GRM7: variants seen among roughly 807,000 people sequenced by gnomAD.
GRM7 encodes the protein glutamate metabotropic receptor 7.
Under a neutral mutation model 84.5 loss-of-function variants are expected in GRM7, and 35 were observed. That is an observed-to-expected ratio of 0.41 (90% CI 0.32 to 0.55). The LOEUF (loss-of-function observed/expected upper bound fraction) is 0.55. Ranked by LOEUF, GRM7 falls within the 20% of genes least tolerant of loss-of-function variation. The pLI is 0.19. For missense variants in GRM7, 1,003 were observed against 1,194.6 expected (o/e 0.84, Z 2.36); for synonymous variants, 487 against 455.1 (o/e 1.07, Z -0.89).
At chr3:7,070,235 T>G (rs758627257) in intron 1 of GRM7, among the ~76,000 whole-genome samples, 1 of 152,138 alleles carries the variant, frequency 6.6e-6, no homozygotes, top group Non-Finnish European at 1.5e-5. Flanking sequence ...AAAGTGTATT[T>G]TATTTAGAAT....
chr3:7,069,110 A>G (rs1047590759), intron 1 of GRM7, among the ~76,000 whole-genome samples: 6 of 151,698 alleles, frequency 4.0e-5, no homozygotes, highest in Non-Finnish European at 7.4e-5. Flanking sequence ...AAGAAAAAAG[A>G]GCATAGTCAA....
intron 1 of GRM7, among the ~76,000 whole-genome samples, chr3:7,074,252 C>T (rs948389606): frequency 8.5e-5 from 13 of 152,086 alleles, no homozygotes; most frequent in African/African-American, 2.9e-4. Flanking sequence ...TTAGATGTTG[C>T]ACTAGCGGTG....
At chr3:7,481,738 G>A (rs1699136716) in intron 7 of GRM7, among the ~76,000 whole-genome samples, 1 of 152,180 alleles carries the variant, frequency 6.6e-6, no homozygotes, top group South Asian at 2.1e-4. Context: ...GATATTAAAT[G>A]TACACAATGC....
At position 7,380,237 on chromosome 3, in the gene GRM7, T is replaced by C. The variant is rs557571637; in HGVS notation, c.1034-34786T>C. Among the ~76,000 whole-genome samples, 10 of 152,322 alleles carry C rather than the reference T, an allele frequency of 6.6e-5. 1 individual carries two copies. The East Asian group carries it at 1.9e-3, about 29-fold the overall frequency. On this transcript the variant is annotated intron_variant, in intron 4 of 9. Coordinates refer to ENST00000357716, the MANE Select transcript of GRM7 (RefSeq NM_000844.4). ...GAATAAAATGGTTTGAGTGACCTAG[T>C]TTGGCCATGCCCTCAAGTAGTTTTA...
chr3:7,576,534 C>T (rs938827516), intron 7 of GRM7, among the ~76,000 whole-genome samples: 32 of 152,300 alleles, frequency 2.1e-4, no homozygotes, highest in African/African-American at 7.5e-4. Flanking sequence ...GAAAGAATCA[C>T]TCTCTGCTAT....
intron 1 of GRM7, among the ~76,000 whole-genome samples, chr3:7,031,735 C>A (rs78585604): frequency 0.016 from 2,505 of 152,096 alleles, 60 homozygotes; most frequent in African/African-American, 0.058. Flanking sequence ...ATAACATATT[C>A]ATAGATGATT....
Position 7,408,546 on chromosome 3 carries a change from C to A in GRM7, c.1034-6477C>A, listed in dbSNP as rs1040624838. On this transcript the variant is annotated intron_variant, in intron 4 of 9. Transcript: ENST00000357716. ...CTCATTAGATCAATAATGATCTAGC[C>A]AAGCCGATTTACATGTCTTTAACTT... 6.6e-4 allele frequency among the ~76,000 whole-genome samples: 100 copies of A among 152,244 alleles called. 1 individual carries two copies. The highest frequency in any genetic ancestry group is 6.5e-3 in the Admixed American group (99 of 15,288).
At chr3:7,488,545 C>A (rs1171990839) in intron 7 of GRM7, among the ~76,000 whole-genome samples, 2 of 152,154 alleles carry the variant, frequency 1.3e-5, no homozygotes, top group South Asian at 2.1e-4. Flanking sequence ...TTAAGGCTGG[C>A]CCTCGTATTT....
chr3:7,522,937 T>C (rs1700654663), intron 7 of GRM7, among the ~76,000 whole-genome samples: 1 of 152,138 alleles, frequency 6.6e-6, no homozygotes, highest in South Asian at 2.1e-4. Context: ...TCTCTCCCTT[T>C]CTTTCTCTCT....
At chr3:7,391,621 A>T (rs1398534567) in intron 4 of GRM7, among the ~76,000 whole-genome samples, 2 of 152,124 alleles carry the variant, frequency 1.3e-5, no homozygotes, top group African/African-American at 4.8e-5. Context: ...TGATGAGTTA[A>T]CAGGTGCAGC....
At chr3:7,286,032 G>T (rs143485911) in intron 2 of GRM7, among the ~76,000 whole-genome samples, 1 of 152,060 alleles carries the variant, frequency 6.6e-6, no homozygotes, top group Admixed American at 6.6e-5. Flanking sequence ...TCACAGCATT[G>T]TCAAATAGGT....
At chr3:7,647,107 C>T (rs1698682731) in intron 8 of GRM7, among the ~76,000 whole-genome samples, 3 of 152,134 alleles carry the variant, frequency 2.0e-5, no homozygotes, top group South Asian at 4.1e-4. Flanking sequence ...TGGATGATTA[C>T]GTAGATGGAA....
chr3:6,884,221 T>G (rs1695612887), intron 1 of GRM7: 1 of 152,594 alleles, frequency 6.6e-6, no homozygotes, highest in African/African-American at 2.4e-5. Context: ...TTTCTCCAGG[T>G]AGAACTAGAT....
intron 2 of GRM7, among the ~76,000 whole-genome samples, chr3:7,217,477 C>G (rs1361331966): frequency 1.3e-5 from 2 of 152,026 alleles, no homozygotes; most frequent in African/African-American, 2.4e-5. Context: ...AAAAAAATTA[C>G]CAAGGCTCTT....
At chr3:7,217,886 G>A (rs1338863847) in intron 2 of GRM7, among the ~76,000 whole-genome samples, 1 of 151,386 alleles carries the variant, frequency 6.6e-6, no homozygotes, top group African/African-American at 2.4e-5. Context: ...TTATAATTTT[G>A]TGATTTTCTT....
At chr3:7,553,339 C>G (rs1247657770) in intron 7 of GRM7, among the ~76,000 whole-genome samples, 1 of 152,222 alleles carries the variant, frequency 6.6e-6, no homozygotes, top group Non-Finnish European at 1.5e-5. Flanking sequence ...TCCAAACTTT[C>G]CCACATTTTC....
chr3:6,896,943 A>G (rs914382150), intron 1 of GRM7, among the ~76,000 whole-genome samples: 1 of 152,146 alleles, frequency 6.6e-6, no homozygotes, highest in Non-Finnish European at 1.5e-5. Flanking sequence ...TACAACAGCT[A>G]TCATATTGTA....
At chr3:7,731,012 A>G (rs1451684357) in intron 9 of GRM7, among the ~76,000 whole-genome samples, 1 of 152,200 alleles carries the variant, frequency 6.6e-6, no homozygotes, top group East Asian at 1.9e-4. Flanking sequence ...TGTTTCAAAT[A>G]TGCCATTTAA....
At chr3:7,468,701 T>C (rs1336595899) in intron 7 of GRM7, among the ~76,000 whole-genome samples, 2 of 152,106 alleles carry the variant, frequency 1.3e-5, no homozygotes, top group East Asian at 3.9e-4. Context: ...AGGGAGGTGA[T>C]TGGGTCATTG....
Sources: gnomAD v4.1 joint callset for allele counts (sites outside exome capture counted in the v4.1 genomes callset) on GRCh38, gnomAD v4.1.1 for gene constraint, MANE v1.5 for transcripts, NCBI Gene and HGNC (gene_info 2026-07-23, HGNC 2026-07-21) for gene names.